Variants in TBC1D22A observed in about 807,000 individuals in gnomAD.
The protein encoded by TBC1D22A is putative GTPase activator.
A neutral mutation model predicts 60.2 loss-of-function variants in TBC1D22A; 38 were observed. The ratio of observed to expected loss-of-function variants is 0.63; its 90% CI spans 0.49 to 0.83. The LOEUF (loss-of-function observed/expected upper bound fraction) is 0.83. TBC1D22A is among the 40% of genes least tolerant of loss of function. The pLI is 0.00. For missense variants in TBC1D22A, 628 were observed against 701.0 expected, an observed-to-expected ratio of 0.90 and a Z score of 1.18; for synonymous variants, 302 against 281.7, an observed-to-expected ratio of 1.07 and a Z score of -0.72.
At chr22:46,917,607 T>C (rs1220688874) in intron 8 of TBC1D22A, among the ~76,000 whole-genome samples, 1 of 152,170 alleles carries the variant, frequency 6.6e-6, no homozygotes, top group East Asian at 1.9e-4. Context: ...GTGCTGAGTG[T>C]GCTCTGTCGG....
chr22:46,947,778 C>A (rs1376574150), intron 8 of TBC1D22A, among the ~76,000 whole-genome samples: 1 of 152,156 alleles, frequency 6.6e-6, no homozygotes, highest in African/African-American at 2.4e-5. Flanking sequence ...GGAACCTGGC[C>A]AGAGATATCA....
At chr22:47,035,149 G>A (rs901554599) in intron 10 of TBC1D22A, among the ~76,000 whole-genome samples, 2 of 152,216 alleles carry the variant, frequency 1.3e-5, no homozygotes, top group African/African-American at 4.8e-5. Flanking sequence ...AGTATCTGAG[G>A]TGAGCAGATG....
intron 9 of TBC1D22A, among the ~76,000 whole-genome samples, chr22:46,983,636 T>C (rs1442715507): frequency 6.6e-6 from 1 of 150,890 alleles, no homozygotes; most frequent in African/African-American, 2.4e-5. Flanking sequence ...GGAGGGAGGG[T>C]CCTTTGTGGC....
At position 47,145,573 on chromosome 22, in the gene TBC1D22A, G is replaced by A. The variant is rs952262176; in HGVS notation, c.1426-27925G>A. ...ATATGAAGTGGTGATCAAATAATAC[G>A]CAGCCAGAAGGCAGGGAAAGGGCTG... is the stretch of plus-strand genomic sequence containing the variant. On this transcript the variant is annotated intron_variant, in intron 12 of 12. Coordinates refer to ENST00000337137, the MANE Select transcript of TBC1D22A (RefSeq NM_014346.5). Among the ~76,000 whole-genome samples the A allele has an allele frequency of 6.6e-5, 10 of 152,308 alleles. No homozygotes were observed. In the East Asian group the frequency reaches 7.7e-4, roughly 12 times the overall value.
intron 8 of TBC1D22A, among the ~76,000 whole-genome samples, chr22:46,973,331 C>G (rs1358146407): frequency 6.6e-6 from 1 of 152,336 alleles, no homozygotes; most frequent in East Asian, 1.9e-4. Context: ...TTGTCCGGGG[C>G]TCAAGGGTGG....
At chr22:47,003,829 C>T (rs371274969) in intron 10 of TBC1D22A, among the ~76,000 whole-genome samples, 2,420 of 71,134 alleles carry the variant, frequency 0.034, 83 homozygotes, top group African/African-American at 0.082. Context: ...CATGCCTGTA[C>T]GCACACACCC....
At chr22:47,139,025 C>T (rs1290202767) in intron 12 of TBC1D22A, among the ~76,000 whole-genome samples, 1 of 152,230 alleles carries the variant, frequency 6.6e-6, no homozygotes, top group Non-Finnish European at 1.5e-5. Flanking sequence ...GGCCGAAACC[C>T]AGAATACCAG....
At position 46,999,752 on chromosome 22, in the gene TBC1D22A, G is replaced by A. The variant is rs368342125; in HGVS notation, c.1201+2043G>A. Among the ~76,000 whole-genome samples, 247 of 152,340 alleles carry A rather than the reference G, an allele frequency of 1.6e-3. 2 individuals are homozygous for A. The highest frequency in any genetic ancestry group is 5.8e-3 in the African/African-American group (240 of 41,588). On this transcript the variant is annotated intron_variant, in intron 10 of 12. Transcript: ENST00000337137. ...AAAAAAAAAGCTTCTCAGGCCGGGC[G>A]CGGTGGCTCACGCCTGTAATCCCAG...
chr22:46,953,776 G>A (rs1021138081), intron 8 of TBC1D22A, among the ~76,000 whole-genome samples: 1 of 152,162 alleles, frequency 6.6e-6, no homozygotes, highest in Non-Finnish European at 1.5e-5. Context: ...TTCTGTCAAA[G>A]TTAGCCAAAT....
chr22:47,096,293 A>G (rs4823590), intron 11 of TBC1D22A, among the ~76,000 whole-genome samples: 71,855 of 151,954 alleles, frequency 0.47, 17,507 homozygotes, highest in East Asian at 0.59. Context: ...CCATCTGGAA[A>G]CTAGGAACTG....
chr22:47,111,532 T>A lies in TBC1D22A; in HGVS notation c.1354T>A (p.Phe452Ile). Residue 452 changes from phenylalanine to isoleucine, a missense_variant, in exon 12 of 13, where the codon TTC becomes ATC. Coordinates refer to ENST00000337137, the MANE Select transcript of TBC1D22A (RefSeq NM_014346.5). ...YQSEPDGFSH[F>I]HLYVCAAFLV... Reference sequence around the variant, plus strand: ...GTCTGAACCGGACGGCTTTTCTCATTTCCACTTGTACGTGTGCGCTGCTTT... The same window carrying A: ...GTCTGAACCGGACGGCTTTTCTCATATCCACTTGTACGTGTGCGCTGCTTT... 1 of 1,614,092 alleles carries A rather than the reference T, an allele frequency of 6.2e-7. No homozygotes were observed. The highest frequency in any genetic ancestry group is 8.5e-7 in the Non-Finnish European group (1 of 1,179,998).
chr22:47,173,882 G>A lies in TBC1D22A; in HGVS notation c.*256G>A. The stretch of plus-strand genomic sequence containing the variant: ...TTCGGCGGCCAGAGGCAGGTCAGGG[G>A]TCCCCTCTCCCTCTCCCTGCAATGT... On this transcript the variant is annotated 3_prime_UTR_variant, in exon 13 of 13. Transcript: ENST00000337137. 1 of 454,656 alleles carries A rather than the reference G, an allele frequency of 2.2e-6. No individual in the cohort carries two copies. The highest frequency in any genetic ancestry group is 2.0e-5 in the African/African-American group (1 of 50,136). 28.2% of individuals were successfully genotyped at this position (454,656 alleles called of 1,614,324 possible).
At chr22:46,842,397 T>C (rs2086809223) in intron 4 of TBC1D22A, among the ~76,000 whole-genome samples, 1 of 152,178 alleles carries the variant, frequency 6.6e-6, no homozygotes, top group Non-Finnish European at 1.5e-5. Context: ...AGACTTGTCA[T>C]GGCCATCCAT....
intron 12 of TBC1D22A, among the ~76,000 whole-genome samples, chr22:47,112,173 C>T (rs892416619): frequency 6.6e-6 from 1 of 152,226 alleles, no homozygotes; most frequent in Admixed American, 6.5e-5. Flanking sequence ...GACTAGTGTC[C>T]AGCCCCTGAC....
In TBC1D22A at chr22:47,111,580, A is replaced by G; in HGVS notation, c.1402A>G (p.Ile468Val). ...TTTTCTCGTGAGATGGAGGAAGGAA[A>G]TACTAGAAGAAAAAGATTTTCAAGT... ...AAFLVRWRKE[I>V]LEEKDFQELL... is the part of the protein sequence containing the mutation. The change falls in exon 12 of 13, where the codon ATA becomes GTA. Residue 468 changes from isoleucine (I) to valine (V), a missense_variant. Coordinates refer to ENST00000337137, the MANE Select transcript of TBC1D22A (RefSeq NM_014346.5). 1 of 1,614,032 alleles carries G rather than the reference A, an allele frequency of 6.2e-7. No homozygotes were observed. Among genetic ancestry groups the G allele is most frequent in the Non-Finnish European group, 8.5e-7 (1 of 1,179,984 alleles).
At chr22:47,073,830 A>G (rs998540291) in intron 11 of TBC1D22A, among the ~76,000 whole-genome samples, 1 of 152,220 alleles carries the variant, frequency 6.6e-6, no homozygotes, top group Non-Finnish European at 1.5e-5. Flanking sequence ...AGATAGTATT[A>G]AAAGACTATG....
chr22:47,042,174 GC>G (rs131886), intron 11 of TBC1D22A, among the ~76,000 whole-genome samples: 97,444 of 151,814 alleles, frequency 0.64, 32,201 homozygotes, highest in East Asian at 0.92. Context: ...TTCTATTTCT[GC>G]CCCCCCCATG....
chr22:46,878,777 A>T, intron 5 of TBC1D22A, 54 bp downstream of exon 5: 1 of 1,578,318 alleles, frequency 6.3e-7, no homozygotes, highest in Non-Finnish European at 8.7e-7. Flanking sequence ...CAGGGACTGC[A>T]GGCGTCTGGC....
At chr22:47,099,751 C>G (rs2065335080) in intron 11 of TBC1D22A, among the ~76,000 whole-genome samples, 1 of 152,162 alleles carries the variant, frequency 6.6e-6, no homozygotes, top group Admixed American at 6.5e-5. Flanking sequence ...GGCCTCGTCC[C>G]TGCTTTCTAA....
Sources: allele counts gnomAD v4.1 joint callset (sites outside exome capture counted in the v4.1 genomes callset), GRCh38; gene constraint gnomAD v4.1.1; transcripts MANE v1.5; gene names NCBI Gene and HGNC (gene_info 2026-07-23, HGNC 2026-07-21).